NFRKB: variants seen among roughly 807,000 people sequenced by gnomAD.
NFRKB encodes the protein nuclear factor related to kappaB binding protein.
In NFRKB, 62 loss-of-function variants were observed where a neutral mutation model predicts 135.7. That is an observed-to-expected ratio of 0.46 (90% CI 0.37 to 0.56). The LOEUF is 0.56. Ranked by LOEUF, NFRKB falls within the 20% of genes least tolerant of loss-of-function variation. NFRKB has a pLI of 0.00. For synonymous variants in NFRKB, 678 were observed against 635.6 expected, an observed-to-expected ratio of 1.07 and a Z score of -1.00; for missense variants, 1,545 against 1,662.0, an observed-to-expected ratio of 0.93 and a Z score of 1.22.
At chr11:129,888,317 G>C (rs1949376470) in intron 4 of NFRKB, 1 of 621,996 alleles carries the variant, frequency 1.6e-6, no homozygotes, top group Non-Finnish European at 2.8e-6. Flanking sequence ...GGCACCTCTA[G>C]TATGCTGGAA....
intron 3 of NFRKB, among the ~76,000 whole-genome samples, chr11:129,890,162 T>C (rs1014963948): frequency 1.3e-5 from 2 of 151,878 alleles, no homozygotes; most frequent in African/African-American, 2.4e-5. Flanking sequence ...CTTTTATCCC[T>C]AAGGACAATG....
In NFRKB at chr11:129,884,662, C is replaced by T. The variant is rs1206197081; in HGVS notation, c.742+83G>A. ...TGTTTTCCTGGTAGGTAGGAATCTG[C>T]CCCCACCCACCTCCCTCTAAAGGAG... On this transcript the variant is annotated intron_variant, in intron 7 of 26. Transcript: ENST00000682444. 38 of 1,478,158 alleles carry T rather than the reference C, an allele frequency of 2.6e-5. No individual in the cohort carries two copies. The East Asian group carries it at 8.4e-4, about 33-fold the overall frequency. 91.6% of individuals were successfully genotyped at this position (1,478,158 alleles called of 1,614,324 possible).
Position 129,872,888 on chromosome 11 carries a change from TTGA to T in NFRKB, c.2756_2758del (p.Ile919del). ...CGTGGAAAGAGCCCCACCTACCTGC[TTGA>T]TGATGTTCTGTCCTGTGACATTTTG... On this transcript the variant is annotated inframe_deletion, in exon 23 of 27. Coordinates refer to ENST00000682444, the MANE Select transcript of NFRKB (RefSeq NM_001143835.2). 6.3e-7 allele frequency: 1 copy of T among 1,597,290 alleles called. No individual in the cohort carries two copies. Among genetic ancestry groups the T allele is most frequent in the Non-Finnish European group, 8.6e-7 (1 of 1,167,262 alleles).
chr11:129,892,601 A>G lies in NFRKB; in HGVS notation c.135+114T>C. 2.6e-6 allele frequency: 3 copies of G among 1,135,096 alleles called. No individual in the cohort carries two copies. In the East Asian group the frequency reaches 7.1e-5, roughly 27 times the overall value. 70.3% of individuals were successfully genotyped at this position (1,135,096 alleles called of 1,614,324 possible). On this transcript the variant is annotated intron_variant, in intron 3 of 26. Coordinates refer to ENST00000682444, the MANE Select transcript of NFRKB (RefSeq NM_001143835.2). ...AGAGATCAGGCTGCCTGCAATGTAG[A>G]AAATGAACAAAAGGGAGCACAAAAG...
chr11:129,881,603 A>G, intron 12 of NFRKB, 95 bp from the exon 13 acceptor site: 1 of 1,592,770 alleles, frequency 6.3e-7, no homozygotes. Flanking sequence ...GAAAAGCAGG[A>G]ACCTTCAAGG....
intron 13 of NFRKB, among the ~76,000 whole-genome samples, chr11:129,879,160 G>A (rs1948911978): frequency 6.6e-6 from 1 of 152,158 alleles, no homozygotes; most frequent in African/African-American, 2.4e-5. Context: ...AGAAGCCACA[G>A]GACCATCATC....
chr11:129,884,764 G>A lies in NFRKB; in HGVS notation c.723C>T (p.Thr241=), dbSNP rs748791913. The A allele has an allele frequency of 8.1e-6, 13 of 1,614,064 alleles. 1 individual carries two copies. The East Asian group carries it at 2.9e-4, about 36-fold the overall frequency. Residue 241 remains threonine (T), a synonymous_variant, in exon 7 of 27, where the codon ACC becomes ACT. Transcript: ENST00000682444. ...VPLRVVPTLS[T]TDMKTADKVE... ...TCTCACCTGCAGTTTTCATATCCGTGGTTGAAAGTGTGGGCACCACCCGCA... is the reference window on the plus strand; with the variant it reads ...TCTCACCTGCAGTTTTCATATCCGTAGTTGAAAGTGTGGGCACCACCCGCA...
intron 3 of NFRKB, among the ~76,000 whole-genome samples, chr11:129,890,540 CA>C (rs1949511500): frequency 6.6e-6 from 1 of 152,152 alleles, no homozygotes; most frequent in Admixed American, 6.5e-5. Context: ...GGCATACGAC[CA>C]AAGAAGAATG....
At chr11:129,865,450 C>T (rs1331783609) in intron 25 of NFRKB, among the ~76,000 whole-genome samples, 1 of 152,194 alleles carries the variant, frequency 6.6e-6, no homozygotes, top group Non-Finnish European at 1.5e-5. Context: ...AGACTGCAGA[C>T]TCATTTCATC....
In NFRKB at chr11:129,870,186, T is replaced by A; in HGVS notation, c.2839A>T (p.Ile947Phe). Residue 947 changes from isoleucine (I) to phenylalanine (F), a missense_variant, in exon 24 of 27, where the codon ATC becomes TTC. Physicochemically the swap from Ile to Phe is conservative, Grantham distance 21 (BLOSUM62 0). Transcript: ENST00000682444. ...SIPLTATNFR[I>F]QGKDVLRLPP... Reference sequence around the variant, plus strand: ...AGACGCAATACATCCTTACCCTGGATGCGGAAGTTAGTGGCTGTGAGTGGA... The same window carrying A: ...AGACGCAATACATCCTTACCCTGGAAGCGGAAGTTAGTGGCTGTGAGTGGA... 6.2e-7 allele frequency: 1 copy of A among 1,614,218 alleles called. No homozygotes were observed. The highest frequency in any genetic ancestry group is 8.5e-7 in the Non-Finnish European group (1 of 1,180,040).
intron 5 of NFRKB, 107 bp downstream of exon 5, chr11:129,886,210 C>G: frequency 1.6e-6 from 2 of 1,281,450 alleles, no homozygotes; most frequent in Non-Finnish European, 2.2e-6. Flanking sequence ...TAATTGGTAG[C>G]ATTTTTTTCT....
At position 129,866,000 on chromosome 11, in the gene NFRKB, G is replaced by A. The variant is rs1352025468; in HGVS notation, c.3532-17C>T. ...CAACTTCCCCTAGAAAAAAAAAGCA[G>A]TCAGGTTTTGTAAGACAGGAGGTAA... On this transcript the variant is annotated splice_polypyrimidine_tract_variant and intron_variant, in intron 24 of 26. Transcript: ENST00000682444. 1 of 1,575,912 alleles carries A rather than the reference G, an allele frequency of 6.3e-7. No individual in the cohort carries two copies. The highest frequency in any genetic ancestry group is 1.8e-5 in the Admixed American group (1 of 54,252).
chr11:129,892,659 A>G, intron 3 of NFRKB, 56 bp downstream of exon 3: 1 of 1,581,484 alleles, frequency 6.3e-7, no homozygotes, highest in Non-Finnish European at 8.7e-7. Flanking sequence ...GGTTTCCCAC[A>G]GCTGTTACAA....
At chr11:129,885,351 A>G in intron 6 of NFRKB, 84 bp downstream of exon 6, 1 of 1,460,626 alleles carries the variant, frequency 6.8e-7, no homozygotes, top group Non-Finnish European at 9.3e-7. Context: ...CTGGGGAGAT[A>G]AATGGCTACC....
chr11:129,892,806 C>T lies in NFRKB; in HGVS notation c.44G>A (p.Gly15Asp), dbSNP rs754790327. 1 of 1,614,204 alleles carries T rather than the reference C, an allele frequency of 6.2e-7. No individual in the cohort carries two copies. Among genetic ancestry groups the T allele is most frequent in the Non-Finnish European group, 8.5e-7 (1 of 1,180,034 alleles). Residue 15 changes from glycine to aspartate, a missense_variant, in exon 3 of 27, where the codon GGT becomes GAT. Coordinates refer to ENST00000682444, the MANE Select transcript of NFRKB (RefSeq NM_001143835.2). ...DHMLTDPLEL[G>D]PCGDGHGTRI... is the part of the protein sequence containing the mutation. The stretch of plus-strand genomic sequence containing the variant: ...CGTGCCATGGCCATCTCCACACGGA[C>T]CAAGTTCCAGAGGATCTGTCAGCAT...
intron 23 of NFRKB, among the ~76,000 whole-genome samples, chr11:129,871,226 T>C (rs1276113553): frequency 6.6e-6 from 1 of 152,252 alleles, no homozygotes; most frequent in East Asian, 1.9e-4. Context: ...TATTATTTTT[T>C]GTTGTATTGT....
rs779105806 is a variant in NFRKB at position 129,869,554 on chromosome 11, T to A, written c.3471A>T (p.Thr1157=). Residue 1157 remains threonine, a synonymous_variant, in exon 24 of 27, where the codon ACA becomes ACT. Coordinates refer to ENST00000682444, the MANE Select transcript of NFRKB (RefSeq NM_001143835.2). ...GGACCTGCCGCACGGTGGGGGCTCCTGTGCTGATGCTGATGGGGGTGCTTG... is the reference window on the plus strand; with the variant it reads ...GGACCTGCCGCACGGTGGGGGCTCCAGTGCTGATGCTGATGGGGGTGCTTG... The part of the protein sequence containing the change: ...GAASTPISIS[T]GAPTVRQVPV... 6.8e-6 allele frequency: 11 copies of A among 1,614,096 alleles called. No homozygotes were observed. Among genetic ancestry groups the A allele is most frequent in the Middle Eastern group, 1.6e-4 (1 of 6,062 alleles).
At chr11:129,886,529 A>G in intron 4 of NFRKB, 85 bp from the exon 5 acceptor site, 4 of 1,278,710 alleles carry the variant, frequency 3.1e-6, no homozygotes, top group Non-Finnish European at 4.5e-6. Flanking sequence ...AGTGCTTAAC[A>G]TGGTAAACTC....
At chr11:129,888,841 G>GT in intron 3 of NFRKB, 46 bp from the exon 4 acceptor site, 5 of 1,507,524 alleles carry the variant, frequency 3.3e-6, no homozygotes, top group South Asian at 1.2e-5. Flanking sequence ...AAATTTTTGA[G>GT]TTTTTTGTAT....
Sources: gnomAD v4.1 joint callset for allele counts (sites outside exome capture counted in the v4.1 genomes callset) on GRCh38, gnomAD v4.1.1 for gene constraint, MANE v1.5 for transcripts, NCBI Gene and HGNC (gene_info 2026-07-23, HGNC 2026-07-21) for gene names.